The following SRFBP1 variants were observed in gnomAD, a reference collection of about 807,000 sequenced individuals.
The protein encoded by SRFBP1 is serum response factor binding protein 1.
In SRFBP1, 47 loss-of-function variants were observed where a neutral mutation model predicts 45.5. That is an observed-to-expected ratio of 1.03 (90% CI 0.82 to 1.32). The LOEUF (loss-of-function observed/expected upper bound fraction) is 1.32, where lower values mean the gene tolerates loss of function less well. SRFBP1 is among the 40% of genes most tolerant of loss of function. The probability of loss-of-function intolerance (pLI) is 0.00; values close to 1 mark genes in which losing one functional copy is unlikely to be tolerated. For synonymous variants in SRFBP1, 203 were observed against 166.3 expected (o/e 1.22, Z -1.70); for missense variants, 621 against 484.6 (o/e 1.28, Z -2.64).
At chr5:122,009,453 T>C (rs1034361345) in intron 4 of SRFBP1, among the ~76,000 whole-genome samples, 2 of 152,204 alleles carry the variant, frequency 1.3e-5, no homozygotes, top group African/African-American at 2.4e-5. Context: ...TACTTTTATT[T>C]GGTATTTTCT....
At chr5:122,048,344 C>T (rs1318845635) in intron 2 of SRFBP1, among the ~76,000 whole-genome samples, 1 of 152,042 alleles carries the variant, frequency 6.6e-6, no homozygotes, top group Non-Finnish European at 1.5e-5. Context: ...TGCTGGATTC[C>T]GTTTATTGAT....
At chr5:122,058,796 T>A (rs956616763) in intron 2 of SRFBP1, among the ~76,000 whole-genome samples, 1 of 152,100 alleles carries the variant, frequency 6.6e-6, no homozygotes, top group Non-Finnish European at 1.5e-5. Flanking sequence ...CAGTGGTAAA[T>A]TTGTGATTCT....
intron 4 of SRFBP1, among the ~76,000 whole-genome samples, chr5:121,997,120 C>G (rs1203173033): frequency 2.8e-5 from 4 of 141,300 alleles, no homozygotes; most frequent in African/African-American, 1.1e-4. Context: ...ATGCCATCCC[C>G]ATCAAGCTAC....
At chr5:122,015,659 A>G (rs1477237297) in intron 4 of SRFBP1, among the ~76,000 whole-genome samples, 1 of 152,252 alleles carries the variant, frequency 6.6e-6, no homozygotes, top group Non-Finnish European at 1.5e-5. Context: ...AGGCTGGAAC[A>G]GCCCCCATGG....
intron 2 of SRFBP1, among the ~76,000 whole-genome samples, chr5:122,067,459 C>A (rs913365315): frequency 2.6e-5 from 4 of 152,074 alleles, no homozygotes; most frequent in Admixed American, 2.0e-4. Flanking sequence ...TACACATCAA[C>A]AGAATGCTCT....
chr5:122,042,759 C>T (rs1044497910), intron 2 of SRFBP1, among the ~76,000 whole-genome samples: 8 of 151,996 alleles, frequency 5.3e-5, no homozygotes, highest in African/African-American at 9.7e-5. Flanking sequence ...TTTCTCTTTT[C>T]GACCTTTTCA....
chr5:122,069,726 C>A (rs570684844), intron 2 of SRFBP1, among the ~76,000 whole-genome samples: 6 of 152,216 alleles, frequency 3.9e-5, no homozygotes, highest in Admixed American at 6.5e-5. Flanking sequence ...GAAGCAACTA[C>A]TGGGGCTTCT....
chr5:122,061,482 T>TATATGAATAC (rs1170803281), intron 2 of SRFBP1, among the ~76,000 whole-genome samples: 1 of 152,050 alleles, frequency 6.6e-6, no homozygotes, highest in Non-Finnish European at 1.5e-5. Flanking sequence ...AAATTGTAAA[T>TATATGAATAC]ATATGAATAC....
chr5:121,985,238 C>A (rs1752486915), intron 3 of SRFBP1, among the ~76,000 whole-genome samples: 1 of 151,722 alleles, frequency 6.6e-6, no homozygotes. Flanking sequence ...CTTTCTGTAA[C>A]AGTGAGTCTT....
chr5:122,043,296 A>T (rs778411950), intron 2 of SRFBP1, among the ~76,000 whole-genome samples: 3 of 151,776 alleles, frequency 2.0e-5, no homozygotes, highest in African/African-American at 7.3e-5. Flanking sequence ...GCTCACTGCA[A>T]CCTCTGCTTC....
At chr5:121,976,438 CTG>C (rs993495543) in intron 3 of SRFBP1, among the ~76,000 whole-genome samples, 4 of 151,664 alleles carry the variant, frequency 2.6e-5, no homozygotes, top group Non-Finnish European at 5.9e-5. Context: ...ATTTGTGTCT[CTG>C]TGGTTTGCAG....
chr5:122,009,948 T>G (rs1028603807), intron 4 of SRFBP1, among the ~76,000 whole-genome samples: 10 of 152,162 alleles, frequency 6.6e-5, no homozygotes, highest in Non-Finnish European at 1.0e-4. Context: ...GTTCTATGCT[T>G]CTTTTCTGGC....
chr5:122,076,979 G>A (rs1200121605), downstream of SRFBP1: 10 of 1,613,634 alleles, frequency 6.2e-6, no homozygotes, highest in East Asian at 2.0e-4. Context: ...TGTAGTAGGG[G>A]TCGGCCACCA....
downstream of SRFBP1, chr5:122,078,408 C>A (rs187036603): frequency 3.1e-5 from 5 of 159,344 alleles, no homozygotes; most frequent in Admixed American, 1.3e-4. Flanking sequence ...CTGCCCCTCC[C>A]TCTCTCCCGT....
chr5:122,076,861 G>A (rs780776669), downstream of SRFBP1: 5 of 1,601,580 alleles, frequency 3.1e-6, 1 homozygote, highest in South Asian at 5.5e-5. Context: ...AGGTAGACCG[G>A]GGAGCGGGGC....
intron 4 of SRFBP1, among the ~76,000 whole-genome samples, chr5:121,999,320 A>T (rs1052544945): frequency 6.6e-6 from 1 of 152,002 alleles, no homozygotes; most frequent in Admixed American, 6.6e-5. Flanking sequence ...TTCCTTTATG[A>T]TCCATGAACA....
intron 2 of SRFBP1, chr5:122,070,439 AGAGGGCC>A: frequency 1.1e-6 from 1 of 929,508 alleles, no homozygotes; most frequent in Non-Finnish European, 1.7e-6. Flanking sequence ...AATCCAGAGA[AGAGGGCC>A]TATTGATCTG....
intron 2 of SRFBP1, among the ~76,000 whole-genome samples, chr5:122,036,557 G>A (rs1021103964): frequency 1.3e-5 from 2 of 152,162 alleles, no homozygotes; most frequent in African/African-American, 4.8e-5. Context: ...GATTTATGGT[G>A]AACATTTCTT....
intron 7 of SRFBP1, among the ~76,000 whole-genome samples, chr5:122,025,052 C>G (rs1022477456): frequency 2.0e-5 from 3 of 152,176 alleles, no homozygotes; most frequent in African/African-American, 7.2e-5. Context: ...TGTTGGTGTG[C>G]TGCACCCATT....
Sources: allele counts gnomAD v4.1 joint callset (sites outside exome capture counted in the v4.1 genomes callset), GRCh38; gene constraint gnomAD v4.1.1; transcripts MANE v1.5; gene names NCBI Gene and HGNC (gene_info 2026-07-23, HGNC 2026-07-21).